ASIC2: variants seen among roughly 807,000 people sequenced by gnomAD.
The protein encoded by ASIC2 is acid-sensing ion channel 2.
In ASIC2, 25 loss-of-function variants were observed where a neutral mutation model predicts 57.3. The ratio of observed to expected loss-of-function variants is 0.44; its 90% CI spans 0.32 to 0.61. The LOEUF is 0.61. Ranked by LOEUF, ASIC2 falls within the 20% of genes least tolerant of loss-of-function variation. The probability of loss-of-function intolerance (pLI) is 0.06; values close to 1 mark genes in which losing one functional copy is unlikely to be tolerated. For synonymous variants in ASIC2, 319 were observed against 307.5 expected (o/e 1.04, Z -0.39); for missense variants, 641 against 738.1 (o/e 0.87, Z 1.52).
intron 1 of ASIC2, among the ~76,000 whole-genome samples, chr17:33,858,429 C>T (rs535940081): frequency 9.2e-5 from 14 of 152,264 alleles, no homozygotes; most frequent in South Asian, 6.2e-4. Context: ...GCTGCCAGTC[C>T]GGGAGCGATT....
intron 1 of ASIC2, among the ~76,000 whole-genome samples, chr17:33,384,265 A>C (rs763293418): frequency 1.3e-5 from 2 of 152,230 alleles, no homozygotes; most frequent in Non-Finnish European, 2.9e-5. Flanking sequence ...ATTTTGTCAC[A>C]TTGAAGGGTG....
At chr17:34,009,506 T>C (rs1456308893) in intron 1 of ASIC2, among the ~76,000 whole-genome samples, 1 of 152,252 alleles carries the variant, frequency 6.6e-6, no homozygotes, top group East Asian at 1.9e-4. Context: ...TGATATTATT[T>C]TGGATATATT....
chr17:33,157,652 C>A (rs1250771012), intron 1 of ASIC2, among the ~76,000 whole-genome samples: 2 of 152,214 alleles, frequency 1.3e-5, no homozygotes, highest in Non-Finnish European at 2.9e-5. Flanking sequence ...ATCAAGAATG[C>A]AAGCAGGTTG....
intron 1 of ASIC2, among the ~76,000 whole-genome samples, chr17:33,684,770 C>T (rs949413167): frequency 4.6e-5 from 7 of 151,334 alleles, no homozygotes; most frequent in Admixed American, 1.3e-4. Context: ...ATCATATCCA[C>T]GTCTTTTTTT....
intron 1 of ASIC2, among the ~76,000 whole-genome samples, chr17:33,317,220 C>T (rs1158085452): frequency 6.6e-6 from 1 of 152,198 alleles, no homozygotes; most frequent in African/African-American, 2.4e-5. Context: ...GCCTGCTTCC[C>T]TTGCAGTGCT....
chr17:33,023,827 C>T, intron 6 of ASIC2, 34 bp downstream of exon 6: 1 of 1,612,544 alleles, frequency 6.2e-7, no homozygotes, highest in African/African-American at 1.3e-5. Context: ...TCCAGTTCCC[C>T]CTTCCCCCTG....
intron 1 of ASIC2, among the ~76,000 whole-genome samples, chr17:34,011,133 A>G (rs1447943564): frequency 1.2e-4 from 14 of 120,192 alleles, no homozygotes; most frequent in Admixed American, 6.5e-4. Flanking sequence ...AGACACAGGC[A>G]CACACACACA....
intron 1 of ASIC2, among the ~76,000 whole-genome samples, chr17:33,560,410 C>G (rs1454427052): frequency 6.6e-6 from 1 of 152,086 alleles, no homozygotes; most frequent in Non-Finnish European, 1.5e-5. Flanking sequence ...CCCCAAAGGA[C>G]TTATGAGTTG....
chr17:33,107,568 C>T lies in ASIC2; in HGVS notation c.859+4349G>A, dbSNP rs558413100. Among the ~76,000 whole-genome samples the T allele has an allele frequency of 2.0e-5, 3 of 152,242 alleles. No homozygotes were observed. The East Asian group carries it at 5.8e-4, about 29-fold the overall frequency. On this transcript the variant is annotated intron_variant, in intron 2 of 9. Transcript: ENST00000225823. ...TTAAAATGGCATATTATCACGGTGCCCCACATGAAGATGTGTGACCAAGGG... is the reference window on the plus strand; with the variant it reads ...TTAAAATGGCATATTATCACGGTGCTCCACATGAAGATGTGTGACCAAGGG...
At chr17:33,449,458 G>A (rs957909606) in intron 1 of ASIC2, among the ~76,000 whole-genome samples, 1 of 152,082 alleles carries the variant, frequency 6.6e-6, no homozygotes, top group African/African-American at 2.4e-5. Flanking sequence ...CTTGTCCTCT[G>A]GGTAGCATAC....
At chr17:33,350,683 AAAAAAAAG>A (rs796645521) in intron 1 of ASIC2, among the ~76,000 whole-genome samples, 34 of 88,910 alleles carry the variant, frequency 3.8e-4, no homozygotes, top group African/African-American at 2.9e-3. Flanking sequence ...CTCTGTGAGA[AAAAAAAAG>A]AAAGAAAGAA....
chr17:33,257,207 G>A (rs1010819792), intron 1 of ASIC2, among the ~76,000 whole-genome samples: 1 of 152,238 alleles, frequency 6.6e-6, no homozygotes, highest in Non-Finnish European at 1.5e-5. Context: ...GTGGGCAGCA[G>A]CCAGGTATGG....
intron 1 of ASIC2, among the ~76,000 whole-genome samples, chr17:33,319,033 G>A (rs1906764928): frequency 1.3e-5 from 2 of 152,190 alleles, no homozygotes; most frequent in South Asian, 4.1e-4. Context: ...CGGAAGCTGA[G>A]GTGAGCAGAT....
intron 1 of ASIC2, among the ~76,000 whole-genome samples, chr17:33,552,712 C>G (rs1030652336): frequency 6.6e-6 from 1 of 152,198 alleles, no homozygotes; most frequent in Admixed American, 6.5e-5. Flanking sequence ...CAAAGATCAA[C>G]CAGTGGGATT....
At position 33,601,402 on chromosome 17, in the gene ASIC2, C is replaced by T. The variant is rs920851181; in HGVS notation, c.556-489335G>A. 3.9e-5 allele frequency among the ~76,000 whole-genome samples: 6 copies of T among 152,290 alleles called. No homozygotes were observed. In the South Asian group the frequency reaches 6.2e-4, roughly 16 times the overall value. ...GCCCTGCACCACCTTTGGGACTCTG[C>T]TCCCCACATTTTGGCACAGTACTCT... is the stretch of plus-strand genomic sequence containing the variant. On this transcript the variant is annotated intron_variant, in intron 1 of 9. Coordinates refer to the ASIC2 transcript ENST00000359872.
chr17:33,674,440 ATGAT>A (rs1907746995), intron 1 of ASIC2, among the ~76,000 whole-genome samples: 1 of 152,216 alleles, frequency 6.6e-6, no homozygotes, highest in South Asian at 2.1e-4. Context: ...TGTTTGGTGA[ATGAT>A]TGAAGGAATA....
intron 1 of ASIC2, among the ~76,000 whole-genome samples, chr17:33,971,887 G>A (rs1352457708): frequency 6.6e-6 from 1 of 152,132 alleles, no homozygotes; most frequent in Non-Finnish European, 1.5e-5. Context: ...TAGAAGCTGT[G>A]ATTCTGTTGA....
intron 1 of ASIC2, among the ~76,000 whole-genome samples, chr17:33,661,210 A>G (rs1349546618): frequency 6.6e-6 from 1 of 152,028 alleles, no homozygotes; most frequent in East Asian, 1.9e-4. Flanking sequence ...AAGAGCAAGC[A>G]CCCTGTGCTA....
intron 1 of ASIC2, among the ~76,000 whole-genome samples, chr17:33,605,355 C>T (rs1433857882): frequency 1.3e-5 from 2 of 152,150 alleles, no homozygotes; most frequent in African/African-American, 4.8e-5. Flanking sequence ...TAAAAACCCT[C>T]AGTGATATGC....
Sources: gnomAD v4.1 joint callset for allele counts (sites outside exome capture counted in the v4.1 genomes callset) on GRCh38, gnomAD v4.1.1 for gene constraint, MANE v1.5 for transcripts, NCBI Gene and HGNC (gene_info 2026-07-23, HGNC 2026-07-21) for gene names.